Variants in ERAP1 observed in about 807,000 individuals in gnomAD.
ERAP1 encodes the protein adipocyte-derived leucine aminopeptidase.
Under a neutral mutation model 103.7 loss-of-function variants are expected in ERAP1, and 86 were observed. That is an observed-to-expected ratio of 0.83 (90% CI 0.70 to 0.99). The LOEUF is 0.99. ERAP1 is among the 50% of genes least tolerant of loss of function. The pLI is 0.00. For synonymous variants in ERAP1, 398 were observed against 402.4 expected, an observed-to-expected ratio of 0.99 and a Z score of 0.13; for missense variants, 1,009 against 1,128.4, an observed-to-expected ratio of 0.89 and a Z score of 1.52.
the ERAP1 span, among the ~76,000 whole-genome samples, chr5:96,885,778 A>G: frequency 6.6e-6 from 1 of 152,220 alleles, no homozygotes; most frequent in East Asian, 1.9e-4. Flanking sequence ...GTATCCATTC[A>G]GTATTTGGGG....
At chr5:96,891,572 TACACACAC>T in the ERAP1 span, among the ~76,000 whole-genome samples, 1 of 133,230 alleles carries the variant, frequency 7.5e-6, no homozygotes, top group Non-Finnish European at 1.6e-5. Flanking sequence ...ACATATATGG[TACACACAC>T]ACACACACAC....
the ERAP1 span, among the ~76,000 whole-genome samples, chr5:96,857,688 A>G: frequency 6.6e-6 from 1 of 152,226 alleles, no homozygotes; most frequent in East Asian, 1.9e-4. Flanking sequence ...CTATATGCTG[A>G]ATTGCTACTC....
At chr5:96,780,360 C>T in intron 18 of ERAP1, 63 bp downstream of exon 18, 2 of 1,197,176 alleles carry the variant, frequency 1.7e-6, no homozygotes, top group Non-Finnish European at 2.3e-6. Flanking sequence ...TTTGTCTACC[C>T]CATATTAATT....
the ERAP1 span, among the ~76,000 whole-genome samples, chr5:96,813,687 G>A: frequency 2.2e-5 from 3 of 137,226 alleles, no homozygotes; most frequent in Non-Finnish European, 4.6e-5. Flanking sequence ...AGCCTGGACT[G>A]CCTGCATAAG....
chr5:96,896,464 C>G, the ERAP1 span: 1 of 1,613,560 alleles, frequency 6.2e-7, no homozygotes. Context: ...GAAACCCCGA[C>G]TCAAATACAG....
chr5:96,785,875 G>A lies in ERAP1; in HGVS notation c.1856C>T (p.Ser619Phe), dbSNP rs1162881517. The A allele has an allele frequency of 6.2e-7, 1 of 1,614,082 alleles. No individual in the cohort carries two copies. Among genetic ancestry groups the A allele is most frequent in the Admixed American group, 1.7e-5 (1 of 60,020 alleles). Residue 619 changes from serine to phenylalanine, a missense_variant, in exon 13 of 19, where the codon TCT becomes TTT. Ser to Phe is a radical substitution (Grantham distance 155). This residue lies in a region of ERAP1 where 611 missense variants were observed against 651.7 expected (regional missense o/e 0.94). Transcript: ENST00000443439. ...IVHYEDDGWD[S>F]LTGLLKGTHT... The stretch of plus-strand genomic sequence containing the variant: ...TGTTCCTTTTAAAAGGCCAGTCAAA[G>A]AGTCCCATCCATCATCCTCGTAATG...
the ERAP1 span, among the ~76,000 whole-genome samples, chr5:96,899,432 A>G: frequency 6.6e-6 from 1 of 152,206 alleles, no homozygotes; most frequent in Non-Finnish European, 1.5e-5. Flanking sequence ...AATACATGTC[A>G]ATAGCAACTT....
At chr5:96,906,568 T>C in the ERAP1 span, among the ~76,000 whole-genome samples, 4 of 152,132 alleles carry the variant, frequency 2.6e-5, no homozygotes, top group Non-Finnish European at 4.4e-5. Flanking sequence ...GCACCCAGAA[T>C]GGAGAGAGAA....
the ERAP1 span, among the ~76,000 whole-genome samples, chr5:96,817,840 C>G: frequency 6.6e-6 from 1 of 152,238 alleles, no homozygotes; most frequent in Non-Finnish European, 1.5e-5. Context: ...AAGTCTCCCA[C>G]CAGTGCTACT....
the ERAP1 span, chr5:96,884,005 C>A: frequency 7.2e-7 from 1 of 1,396,532 alleles, no homozygotes; most frequent in South Asian, 1.5e-5. Flanking sequence ...TTTAAAATTG[C>A]TTTCAGGATT....
the ERAP1 span, among the ~76,000 whole-genome samples, chr5:96,916,297 C>T: frequency 9.3e-5 from 14 of 151,242 alleles, no homozygotes; most frequent in Middle Eastern, 3.4e-3. Flanking sequence ...ACTTAAAATA[C>T]GTGTATTCAT....
At chr5:96,893,958 A>G in the ERAP1 span, among the ~76,000 whole-genome samples, 1 of 152,198 alleles carries the variant, frequency 6.6e-6, no homozygotes, top group African/African-American at 2.4e-5. Flanking sequence ...ATACCTGAGT[A>G]CTATTTACAA....
At chr5:96,924,975 T>C in the ERAP1 span, among the ~76,000 whole-genome samples, 2 of 152,196 alleles carry the variant, frequency 1.3e-5, no homozygotes, top group Non-Finnish European at 2.9e-5. Context: ...TATGGCTATA[T>C]AGGTAGGCCC....
At chr5:96,906,381 C>T in the ERAP1 span, among the ~76,000 whole-genome samples, 9 of 152,170 alleles carry the variant, frequency 5.9e-5, no homozygotes, top group Non-Finnish European at 1.0e-4. Flanking sequence ...ATCCTCCCAC[C>T]TCAGCCTCCT....
At chr5:96,762,291 A>C (rs1254389174) in exon 20 of ERAP1, 2 of 1,607,590 alleles carry the variant, frequency 1.2e-6, no homozygotes, top group Non-Finnish European at 1.7e-6. Context: ...AAGATGCTAA[A>C]CTTGCTGCTG....
At chr5:96,920,480 G>A in the ERAP1 span, among the ~76,000 whole-genome samples, 1 of 152,154 alleles carries the variant, frequency 6.6e-6, no homozygotes, top group African/African-American at 2.4e-5. Flanking sequence ...GAAGTTCCAG[G>A]GGTTTTTGGT....
chr5:96,770,648 C>T (rs1771966778), downstream of ERAP1: 1 of 1,243,992 alleles, frequency 8.0e-7, no homozygotes, highest in South Asian at 1.2e-5. Flanking sequence ...AGCAGTTACA[C>T]AGAGTAGGGT....
At chr5:96,828,725 T>A in the ERAP1 span, among the ~76,000 whole-genome samples, 2 of 152,194 alleles carry the variant, frequency 1.3e-5, no homozygotes, top group African/African-American at 2.4e-5. Flanking sequence ...ACATTTCAAT[T>A]GTTCTAGACA....
rs755628799 is a variant in ERAP1 at position 96,800,938 on chromosome 5, TC to T, written c.586del (p.Glu196AsnfsTer19). ...AARMAFPCFD[E>X]PAFKASFSIK... Reference sequence around the variant, plus strand: ...TGAGAAACTTGCTTTGAAGGCAGGTTCATCAAAGCAGGGAAAGGCCATTCTA... The same window carrying T: ...TGAGAAACTTGCTTTGAAGGCAGGTTATCAAAGCAGGGAAAGGCCATTCTA... On this transcript the variant is annotated frameshift_variant, in exon 3 of 19. Transcript: ENST00000443439. LOFTEE classifies it high-confidence loss of function. 6.2e-7 allele frequency: 1 copy of T among 1,614,176 alleles called. No homozygotes were observed. The highest frequency in any genetic ancestry group is 1.1e-5 in the South Asian group (1 of 91,092).
Sources: allele counts gnomAD v4.1 joint callset (sites outside exome capture counted in the v4.1 genomes callset), GRCh38; gene constraint gnomAD v4.1.1; regional missense constraint gnomAD v4.1.1; transcripts MANE v1.5; gene names NCBI Gene and HGNC (gene_info 2026-07-23, HGNC 2026-07-21).